AIMP2: variants seen among roughly 807,000 people sequenced by gnomAD.
The protein encoded by AIMP2 is aminoacyl tRNA synthetase complex interacting multifunctional protein 2, also known as aminoacyl tRNA synthase complex-interacting multifunctional protein 2.
In AIMP2, 20 loss-of-function variants were observed where a neutral mutation model predicts 23.4. That is an observed-to-expected ratio of 0.85 (90% CI 0.60 to 1.24). The LOEUF is 1.24. Among genes scored for constraint, AIMP2 ranks in the 50% most tolerant of loss-of-function variants. The probability of loss-of-function intolerance (pLI) is 0.00; values close to 1 mark genes in which losing one functional copy is unlikely to be tolerated. For missense variants in AIMP2, 515 were observed against 414.5 expected (o/e 1.24, Z -2.10); for synonymous variants, 210 against 170.4 (o/e 1.23, Z -1.81).
At chr7:6,011,255 T>C (rs1562720338) in intron 1 of AIMP2, among the ~76,000 whole-genome samples, 1 of 152,298 alleles carries the variant, frequency 6.6e-6, no homozygotes, top group Admixed American at 6.5e-5. Flanking sequence ...TCCAAAGTTA[T>C]ACTGGTTTAT....
intron 3 of AIMP2, among the ~76,000 whole-genome samples, chr7:6,018,271 T>C (rs1339896731): frequency 6.7e-6 from 1 of 150,188 alleles, no homozygotes; most frequent in Non-Finnish European, 1.5e-5. Context: ...CTCATTCTCC[T>C]GAGTAGCTGG....
At position 6,023,322 on chromosome 7, in the gene AIMP2, A is replaced by G; in HGVS notation, c.594A>G (p.Lys198=). The G allele has an allele frequency of 1.2e-6, 2 of 1,602,342 alleles. No homozygotes were observed. The highest frequency in any genetic ancestry group is 1.7e-6 in the Non-Finnish European group (2 of 1,175,444). The change falls in exon 4 of 4, where the codon AAA becomes AAG. Residue 198 remains lysine, a synonymous_variant. Transcript: ENST00000223029. ...TTTCAGTGCCGAAGACGCAGATGAA[A>G]TTCAGCATCCAGACGATGTGCCCCA... ...IWKNVPKTQM[K]FSIQTMCPIE... is the part of the protein sequence containing the mutation.
At chr7:6,014,647 T>C (rs1048488164) in intron 1 of AIMP2, among the ~76,000 whole-genome samples, 7 of 152,160 alleles carry the variant, frequency 4.6e-5, no homozygotes, top group Non-Finnish European at 1.0e-4. Flanking sequence ...TTTAATGTCT[T>C]TTTCCTTTTT....
At chr7:6,021,544 T>C (rs1054799999) in intron 3 of AIMP2, among the ~76,000 whole-genome samples, 5 of 151,996 alleles carry the variant, frequency 3.3e-5, no homozygotes, top group Admixed American at 6.6e-5. Context: ...AAATAGATCA[T>C]AGATGGGGCA....
intron 2 of AIMP2, among the ~76,000 whole-genome samples, chr7:6,016,626 TG>T (rs1209913401): frequency 6.6e-6 from 1 of 152,170 alleles, no homozygotes; most frequent in East Asian, 1.9e-4. Flanking sequence ...CTCAGGGTGC[TG>T]GGGAGGTATC....
chr7:6,017,888 C>G lies in AIMP2; in HGVS notation c.417C>G (p.His139Gln), dbSNP rs1424120170. The G allele has an allele frequency of 1.9e-6, 3 of 1,614,170 alleles. No individual in the cohort carries two copies. The highest frequency in any genetic ancestry group is 2.5e-6 in the Non-Finnish European group (3 of 1,180,038). The change falls in exon 3 of 4, where the codon CAC becomes CAG. Residue 139 changes from histidine to glutamine, a missense_variant. By Grantham distance (24) the His-to-Gln change is conservative. Transcript: ENST00000223029. ...ASPPLSLLVL[H>Q]RLLCEHFRVL... Reference sequence around the variant, plus strand: ...CTCCCCTCTCCCTGCTTGTGCTGCACAGGCTGCTCTGTGAGCACTTCAGGG... The same window carrying G: ...CTCCCCTCTCCCTGCTTGTGCTGCAGAGGCTGCTCTGTGAGCACTTCAGGG...
intron 2 of AIMP2, among the ~76,000 whole-genome samples, chr7:6,016,064 A>C (rs938316080): frequency 6.6e-6 from 1 of 152,178 alleles, no homozygotes; most frequent in Non-Finnish European, 1.5e-5. Flanking sequence ...TCACAGGCCA[A>C]CTTTCAGAAC....
intron 1 of AIMP2, among the ~76,000 whole-genome samples, chr7:6,013,810 G>C (rs1012410596): frequency 1.3e-5 from 2 of 152,008 alleles, no homozygotes; most frequent in African/African-American, 4.8e-5. Context: ...AATTAGCCAG[G>C]CTTGGTGGCA....
rs755792627 is a variant in AIMP2, at chr7:6,023,714, G to A, written c.*23G>A. 2.5e-6 allele frequency: 4 copies of A among 1,614,054 alleles called. No homozygotes were observed. In the East Asian group the frequency reaches 8.9e-5, roughly 36 times the overall value. ...TGAATTGCCGTAACTGATTTTAAAG[G>A]GTTTAGATTTTAAGAATGGTGCTCT... is the stretch of plus-strand genomic sequence containing the variant. On this transcript the variant is annotated 3_prime_UTR_variant, in exon 4 of 4. Transcript: ENST00000223029.
intron 1 of AIMP2, among the ~76,000 whole-genome samples, chr7:6,009,970 A>ATATAT (rs1170519704): frequency 2.0e-4 from 7 of 34,636 alleles, no homozygotes; most frequent in African/African-American, 6.2e-4. Flanking sequence ...AAAAAAAAAA[A>ATATAT]AAAAATATAT....
At chr7:6,018,291 C>T (rs1434271052) in intron 3 of AIMP2, among the ~76,000 whole-genome samples, 8 of 151,092 alleles carry the variant, frequency 5.3e-5, no homozygotes, top group African/African-American at 1.9e-4. Context: ...GGATTACAGG[C>T]GCGCACCACC....
At position 6,023,707 on chromosome 7, in the gene AIMP2, T is replaced by C; in HGVS notation, c.*16T>C. 6.2e-7 allele frequency: 1 copy of C among 1,614,158 alleles called. No individual in the cohort carries two copies. The highest frequency in any genetic ancestry group is 8.5e-7 in the Non-Finnish European group (1 of 1,180,026). ...CCTTAAGTGAATTGCCGTAACTGATTTTAAAGGGTTTAGATTTTAAGAATG... is the reference window on the plus strand; with the variant it reads ...CCTTAAGTGAATTGCCGTAACTGATCTTAAAGGGTTTAGATTTTAAGAATG... On this transcript the variant is annotated 3_prime_UTR_variant, in exon 4 of 4. Transcript: ENST00000223029.
chr7:6,012,100 A>G (rs1239952441), intron 1 of AIMP2, among the ~76,000 whole-genome samples: 1 of 152,108 alleles, frequency 6.6e-6, no homozygotes, highest in African/African-American at 2.4e-5. Context: ...AAAAAGTACA[A>G]AACTTAGCCA....
At chr7:6,010,706 C>T (rs1349236296) in intron 1 of AIMP2, among the ~76,000 whole-genome samples, 5 of 152,120 alleles carry the variant, frequency 3.3e-5, no homozygotes, top group African/African-American at 7.2e-5. Context: ...GCCTCGACCT[C>T]CCAAAGTGTT....
intron 1 of AIMP2, among the ~76,000 whole-genome samples, chr7:6,009,974 A>ATATATATATAT (rs1554310935): frequency 7.5e-4 from 20 of 26,650 alleles, no homozygotes; most frequent in African/African-American, 1.3e-3. Context: ...AAAAAAAAAA[A>ATATATATATAT]ATATATATAT....
At chr7:6,020,947 C>T (rs1253491084) in intron 3 of AIMP2, among the ~76,000 whole-genome samples, 1 of 152,216 alleles carries the variant, frequency 6.6e-6, no homozygotes, top group Non-Finnish European at 1.5e-5. Context: ...AAAAGATAAA[C>T]ACAGCTGCTG....
rs1787106381 is a variant in AIMP2, at chr7:6,017,692, T to C, written c.343-122T>C. 5.0e-6 allele frequency: 4 copies of C among 793,522 alleles called. No individual in the cohort carries two copies. The South Asian group carries it at 7.1e-5, about 14-fold the overall frequency. The allele number at this position is 793,522 out of a possible 1,614,324, so 49.2% of individuals were successfully genotyped here. ...GGCTGCAACGTGGAGATGACGCTAG[T>C]GCCGTCTTCATGGAAGTGGCGGAGT... On this transcript the variant is annotated intron_variant, in intron 2 of 3. Coordinates refer to ENST00000223029, the MANE Select transcript of AIMP2 (RefSeq NM_006303.4).
chr7:6,019,179 T>G (rs1257617048), intron 3 of AIMP2, among the ~76,000 whole-genome samples: 1 of 152,048 alleles, frequency 6.6e-6, no homozygotes, highest in African/African-American at 2.4e-5. Context: ...ATCATCTCGG[T>G]GTGAGCAGCT....
intron 1 of AIMP2, 43 bp from the exon 2 acceptor site, chr7:6,015,103 C>A: frequency 1.2e-6 from 2 of 1,612,966 alleles, no homozygotes; most frequent in South Asian, 2.2e-5. Context: ...CAACACTGGT[C>A]TGATGGGAGA....
Sources: allele counts gnomAD v4.1 joint callset (sites outside exome capture counted in the v4.1 genomes callset), GRCh38; gene constraint gnomAD v4.1.1; transcripts MANE v1.5; gene names NCBI Gene and HGNC (gene_info 2026-07-23, HGNC 2026-07-21).